Variants in DAAM1 observed in about 807,000 individuals in gnomAD.
The protein encoded by DAAM1 is dishevelled associated activator of morphogenesis 1.
Under a neutral mutation model 130.0 loss-of-function variants are expected in DAAM1, and 52 were observed. The observed-to-expected ratio is 0.40, with a 90% CI of 0.32 to 0.50. The LOEUF (loss-of-function observed/expected upper bound fraction) is 0.50. Ranked by LOEUF, DAAM1 falls within the 20% of genes least tolerant of loss-of-function variation. The probability of loss-of-function intolerance (pLI) is 0.61; values close to 1 mark genes in which losing one functional copy is unlikely to be tolerated. For synonymous variants in DAAM1, 452 were observed against 444.5 expected (o/e 1.02, Z -0.21); for missense variants, 1,134 against 1,303.8 (o/e 0.87, Z 2.01).
At chr14:59,314,243 G>T (rs753748180) in intron 3 of DAAM1, among the ~76,000 whole-genome samples, 42 of 152,206 alleles carry the variant, frequency 2.8e-4, no homozygotes, top group Admixed American at 1.0e-3. Context: ...TTCATTATGA[G>T]ACAGTAGCTG....
intron 3 of DAAM1, among the ~76,000 whole-genome samples, chr14:59,302,243 A>C (rs1269588195): frequency 6.6e-6 from 1 of 152,198 alleles, no homozygotes; most frequent in Non-Finnish European, 1.5e-5. Flanking sequence ...CACTCCCTGT[A>C]ACTGGGGAAC....
chr14:59,365,354 A>G (rs1594854309), intron 23 of DAAM1, among the ~76,000 whole-genome samples: 1 of 152,198 alleles, frequency 6.6e-6, no homozygotes, highest in Non-Finnish European at 1.5e-5. Flanking sequence ...GGCTATTGCT[A>G]TTTTGTTCAT....
chr14:59,347,387 T>A, intron 16 of DAAM1, 152 bp from the exon 17 acceptor site: 1 of 699,480 alleles, frequency 1.4e-6, no homozygotes, highest in South Asian at 1.9e-5. Context: ...TAAAGTCCTA[T>A]TTTTAGGTGC....
At chr14:59,353,742 A>G in intron 18 of DAAM1, 134 bp from the exon 19 acceptor site, 4 of 780,688 alleles carry the variant, frequency 5.1e-6, no homozygotes, top group Non-Finnish European at 8.2e-6. Context: ...CATGAGAACA[A>G]CTAATGTATG....
At chr14:59,248,215 T>C (rs1335172840) in intron 1 of DAAM1, among the ~76,000 whole-genome samples, 1 of 152,262 alleles carries the variant, frequency 6.6e-6, no homozygotes. Flanking sequence ...TGTTCACACC[T>C]AATTATTTAG....
intron 3 of DAAM1, among the ~76,000 whole-genome samples, chr14:59,307,307 ATCTGTTTGTAAAC>A (rs1431072842): frequency 6.6e-6 from 1 of 152,208 alleles, no homozygotes; most frequent in African/African-American, 2.4e-5. Context: ...CCAGTTTTGC[ATCTGTTTGTAAAC>A]TCTTTCAAAC....
intron 15 of DAAM1, chr14:59,338,499 GT>G (rs3830986): frequency 0.16 from 236,535 of 1,475,690 alleles, 20,089 homozygotes; most frequent in Admixed American, 0.22. Flanking sequence ...CCAGGGTTTT[GT>G]TTTTGTTTTT....
Position 59,355,239 on chromosome 14 carries a change from G to C in DAAM1, c.2431G>C (p.Gly811Arg), listed in dbSNP as rs1566721186. 6.2e-7 allele frequency: 1 copy of C among 1,613,968 alleles called. No homozygotes were observed. Among genetic ancestry groups the C allele is most frequent in the Non-Finnish European group, 8.5e-7 (1 of 1,179,994 alleles). ...GTTGCTGGAGGTGGTTTTGGCATTT[G>C]GAAATTATATGAATAAAGGTCAAAG... ...KQLLEVVLAF[G>R]NYMNKGQRGN... is the part of the protein sequence containing the mutation. Residue 811 changes from glycine (G) to arginine (R), a missense_variant, in exon 20 of 25, where the codon GGA (glycine) becomes CGA (arginine). This residue lies in a region of DAAM1 where 644 missense variants were observed against 695.9 expected (regional missense o/e 0.93). Coordinates refer to ENST00000360909, the MANE Select transcript of DAAM1 (RefSeq NM_001270520.2).
intron 2 of DAAM1, among the ~76,000 whole-genome samples, chr14:59,273,177 A>G (rs887522739): frequency 1.3e-5 from 2 of 152,328 alleles, no homozygotes; most frequent in African/African-American, 4.8e-5. Flanking sequence ...AACACATCCA[A>G]TAAAGCTTAA....
chr14:59,295,649 C>A lies in DAAM1; in HGVS notation c.273+4343C>A, dbSNP rs531690591. Among the ~76,000 whole-genome samples the A allele has an allele frequency of 3.9e-5, 6 of 152,278 alleles. No homozygotes were observed. The South Asian group carries it at 1.2e-3, about 32-fold the overall frequency. On this transcript the variant is annotated intron_variant, in intron 3 of 24. Transcript: ENST00000360909. ...AGCTTGATCAAAACACAGATTTACA[C>A]AGATTTAAAGAAACACGTGTTAAAG...
At chr14:59,197,500 C>T (rs1296044912) in intron 1 of DAAM1, among the ~76,000 whole-genome samples, 1 of 152,148 alleles carries the variant, frequency 6.6e-6, no homozygotes, top group African/African-American at 2.4e-5. Flanking sequence ...ATTATATTTT[C>T]GTCTTTTAAA....
At chr14:59,210,815 AC>A (rs1888404220) in intron 1 of DAAM1, among the ~76,000 whole-genome samples, 1 of 152,232 alleles carries the variant, frequency 6.6e-6, no homozygotes, top group South Asian at 2.1e-4. Flanking sequence ...ACTGGACTAA[AC>A]TTGTTTGGAA....
rs386381493 is a variant in DAAM1, at chr14:59,327,402, C to CTTTTTTTT, written c.1372+428_1372+435dup. Among the ~76,000 whole-genome samples, 197 of 58,980 alleles carry CTTTTTTTT rather than the reference C, an allele frequency of 3.3e-3. 21 individuals are homozygous for CTTTTTTTT. The highest frequency in any genetic ancestry group is 9.6e-3 in the African/African-American group (124 of 12,916). The allele number at this position is 58,980 out of a possible 152,430, so 38.7% of individuals were successfully genotyped here. A position where few individuals can be genotyped will look rare whatever the true frequency, so the allele number is the denominator to read the frequency against. On this transcript the variant is annotated intron_variant, in intron 12 of 24. Transcript: ENST00000360909. The stretch of plus-strand genomic sequence containing the variant: ...AAGAGAAGAACAGGTCACTTGGTTT[C>CTTTTTTTT]TTTTTTTTTTTTTTTTTTTTTTTTG...
At position 59,368,747 on chromosome 14, in the gene DAAM1, CAGG is replaced by C. The variant is rs932152017; in HGVS notation, c.3098_3100del (p.Gly1033del). ...GATGACCTTGTTTCAGCTTTACGCT[CAGG>C]AGAAGTGTTTGACAAAGACCTTTCT... On this transcript the variant is annotated inframe_deletion, in exon 25 of 25. Transcript: ENST00000360909. 1 of 1,613,978 alleles carries C rather than the reference CAGG, an allele frequency of 6.2e-7. No homozygotes were observed. Among genetic ancestry groups the C allele is most frequent in the Non-Finnish European group, 8.5e-7 (1 of 1,179,940 alleles).
chr14:59,315,070 T>C (rs1191038211), intron 3 of DAAM1, among the ~76,000 whole-genome samples: 1 of 152,194 alleles, frequency 6.6e-6, no homozygotes, highest in Non-Finnish European at 1.5e-5. Context: ...CACTTCAGCA[T>C]TCTCTGTGGA....
chr14:59,239,462 T>C (rs923525370), intron 1 of DAAM1, among the ~76,000 whole-genome samples: 6 of 152,278 alleles, frequency 3.9e-5, no homozygotes, highest in Middle Eastern at 3.4e-3. Flanking sequence ...AACACTCAGT[T>C]TTATTCACCA....
At position 59,367,482 on chromosome 14, in the gene DAAM1, T is replaced by C. The variant is rs1391858754; in HGVS notation, c.2880T>C (p.Asp960=). The change falls in exon 24 of 25, where the codon GAT becomes GAC. Residue 960 remains aspartate, a synonymous_variant. Transcript: ENST00000360909. ...FGEEAGKIQP[D]EFFGIFDQFL... ...AAGAGGCTGGCAAAATACAACCAGA[T>C]GAGTTCTTTGGCATTTTTGATCAAT... 1.2e-6 allele frequency: 2 copies of C among 1,613,892 alleles called. No individual in the cohort carries two copies. Among genetic ancestry groups the C allele is most frequent in the Non-Finnish European group, 1.7e-6 (2 of 1,179,868 alleles).
At chr14:59,343,284 A>G (rs1885923939) in intron 16 of DAAM1, among the ~76,000 whole-genome samples, 1 of 152,190 alleles carries the variant, frequency 6.6e-6, no homozygotes, top group Non-Finnish European at 1.5e-5. Flanking sequence ...GAAGGGGTTA[A>G]CAGCTGGACC....
intron 20 of DAAM1, among the ~76,000 whole-genome samples, chr14:59,358,211 C>T (rs1886558101): frequency 6.6e-6 from 1 of 152,200 alleles, no homozygotes; most frequent in East Asian, 1.9e-4. Context: ...TTAGCCCAGG[C>T]ATCTGGAGTC....
Sources: gnomAD v4.1 joint callset for allele counts (sites outside exome capture counted in the v4.1 genomes callset) on GRCh38, gnomAD v4.1.1 for gene constraint, gnomAD v4.1.1 regional missense constraint, MANE v1.5 for transcripts, NCBI Gene and HGNC (gene_info 2026-07-23, HGNC 2026-07-21) for gene names.